STAU2: variants seen among roughly 807,000 people sequenced by gnomAD.
STAU2 encodes the protein double-stranded RNA-binding protein Staufen homolog 2.
In STAU2, 20 loss-of-function variants were observed where a neutral mutation model predicts 65.9. That is an observed-to-expected ratio of 0.30 (90% confidence interval 0.21 to 0.44). The LOEUF (loss-of-function observed/expected upper bound fraction) is 0.44, where lower values mean the gene tolerates loss of function less well. STAU2 is among the 20% of genes least tolerant of loss of function. The pLI, the probability that STAU2 is intolerant of heterozygous loss-of-function variation, is 1.00. For synonymous variants in STAU2, 232 were observed against 233.9 expected (o/e 0.99, Z 0.07); for missense variants, 558 against 683.9 (o/e 0.82, Z 2.05).
intron 6 of STAU2, chr8:73,652,837 C>G (rs1240535229): frequency 1.3e-5 from 2 of 151,822 alleles, no homozygotes; most frequent in Non-Finnish European, 2.9e-5. Context: ...TATAGATATT[C>G]ACCAAACCAT....
intron 9 of STAU2, among the ~76,000 whole-genome samples, chr8:73,611,059 CA>C (rs2129811296): frequency 1.3e-5 from 2 of 152,222 alleles, no homozygotes; most frequent in South Asian, 4.1e-4. Context: ...TAAATAAAAC[CA>C]AGGCAAATAA....
At chr8:73,700,931 C>A (rs1230087880) in intron 4 of STAU2, among the ~76,000 whole-genome samples, 2 of 151,954 alleles carry the variant, frequency 1.3e-5, no homozygotes, top group Non-Finnish European at 2.9e-5. Context: ...AACACACAGA[C>A]CAATGGAACA....
At chr8:73,700,287 T>A (rs1820000014) in intron 4 of STAU2, among the ~76,000 whole-genome samples, 1 of 152,208 alleles carries the variant, frequency 6.6e-6, no homozygotes, top group Admixed American at 6.5e-5. Flanking sequence ...CTTTCACCAC[T>A]GTTATTCAAC....
At chr8:73,437,404 C>T (rs566882124) in intron 13 of STAU2, among the ~76,000 whole-genome samples, 45 of 152,146 alleles carry the variant, frequency 3.0e-4, no homozygotes, top group African/African-American at 1.0e-3. Context: ...TGGCTCTGTA[C>T]TTGGAGGAAG....
intron 6 of STAU2, among the ~76,000 whole-genome samples, chr8:73,657,956 G>C (rs1816507585): frequency 1.3e-5 from 2 of 152,004 alleles, no homozygotes; most frequent in South Asian, 4.2e-4. Context: ...GGAGGTTGCA[G>C]TGAACCAAGA....
chr8:73,729,076 G>A (rs1354303885), intron 3 of STAU2, among the ~76,000 whole-genome samples: 1 of 152,174 alleles, frequency 6.6e-6, no homozygotes, highest in South Asian at 2.1e-4. Context: ...GCTGAATGTT[G>A]AGGAAATGTT....
intron 13 of STAU2, among the ~76,000 whole-genome samples, chr8:73,426,926 ATT>A (rs34400355): frequency 0.032 from 4,117 of 129,834 alleles, 178 homozygotes; most frequent in Admixed American, 0.13. Context: ...ATTTTTAAAG[ATT>A]TTTTTTTTTT....
At chr8:73,546,568 C>T (rs1182768935) in intron 13 of STAU2, among the ~76,000 whole-genome samples, 10 of 152,182 alleles carry the variant, frequency 6.6e-5, no homozygotes, top group Admixed American at 6.5e-4. Context: ...CCTAGTTTAT[C>T]CATATATCCC....
chr8:73,430,660 G>C (rs1021769196), intron 13 of STAU2, among the ~76,000 whole-genome samples: 3 of 152,138 alleles, frequency 2.0e-5, no homozygotes, highest in African/African-American at 7.2e-5. Context: ...TAATGTAGTG[G>C]CTTTGTGAAC....
At chr8:73,654,793 T>A (rs1816218232) in intron 6 of STAU2, among the ~76,000 whole-genome samples, 1 of 147,240 alleles carries the variant, frequency 6.8e-6, no homozygotes, top group Non-Finnish European at 1.5e-5. Flanking sequence ...TTCACGCCAT[T>A]CTCCTGCCTC....
chr8:73,506,320 C>T (rs1822064223), intron 13 of STAU2, among the ~76,000 whole-genome samples: 1 of 152,098 alleles, frequency 6.6e-6, no homozygotes, highest in South Asian at 2.1e-4. Context: ...CACTGATCTG[C>T]TTTCTGTTTC....
chr8:73,622,145 T>TTTTTGG (rs1403757136), intron 6 of STAU2, among the ~76,000 whole-genome samples: 1 of 65,024 alleles, frequency 1.5e-5, no homozygotes, highest in Non-Finnish European at 2.6e-5. Flanking sequence ...TTTTTTTTTT[T>TTTTTGG]GAGACGGAGT....
chr8:73,485,349 T>G (rs961538118), intron 13 of STAU2, among the ~76,000 whole-genome samples: 7 of 151,928 alleles, frequency 4.6e-5, no homozygotes, highest in African/African-American at 1.7e-4. Flanking sequence ...ATATAACACA[T>G]GAGCATTGAT....
At chr8:73,471,216 A>G (rs1487887030) in intron 13 of STAU2, among the ~76,000 whole-genome samples, 1 of 135,322 alleles carries the variant, frequency 7.4e-6, no homozygotes, top group African/African-American at 2.8e-5. Flanking sequence ...TCTGTTGCCC[A>G]GGCTGCAGTG....
At chr8:73,473,115 A>C (rs1337460223) in intron 13 of STAU2, among the ~76,000 whole-genome samples, 1 of 152,210 alleles carries the variant, frequency 6.6e-6, no homozygotes, top group African/African-American at 2.4e-5. Context: ...CATTCTTCAC[A>C]TACTAGTGAA....
At chr8:73,442,899 A>G (rs998091116) in intron 13 of STAU2, among the ~76,000 whole-genome samples, 1 of 152,204 alleles carries the variant, frequency 6.6e-6, no homozygotes, top group South Asian at 2.1e-4. Flanking sequence ...TTGCTTTCTC[A>G]AGATATCACG....
chr8:73,708,894 ATAT>A (rs1202931093), intron 4 of STAU2, 135 bp downstream of exon 4: 1 of 713,334 alleles, frequency 1.4e-6, no homozygotes, highest in Admixed American at 4.1e-5. Flanking sequence ...ATACTTTGAA[ATAT>A]TATTAATGTA....
intron 3 of STAU2, among the ~76,000 whole-genome samples, chr8:73,711,460 A>T (rs2130656523): frequency 6.6e-6 from 1 of 152,280 alleles, no homozygotes; most frequent in Non-Finnish European, 1.5e-5. Flanking sequence ...AAAATCAGCC[A>T]ATTTTGCATA....
At chr8:73,567,357 A>T (rs564060566) in intron 12 of STAU2, among the ~76,000 whole-genome samples, 3 of 152,168 alleles carry the variant, frequency 2.0e-5, no homozygotes, top group South Asian at 4.1e-4. Flanking sequence ...AAAATACAAA[A>T]TTAGCCAGGT....
Sources: allele counts gnomAD v4.1 joint callset (sites outside exome capture counted in the v4.1 genomes callset), GRCh38; gene constraint gnomAD v4.1.1; transcripts MANE v1.5; gene names NCBI Gene and HGNC (gene_info 2026-07-23, HGNC 2026-07-21).